ZPBP: variants seen among roughly 807,000 people sequenced by gnomAD.
ZPBP encodes zona pellucida-binding protein 1.
ZPBP carries 26 observed loss-of-function variants against 44.8 expected under a neutral mutation model. That is an observed-to-expected ratio of 0.58 (90% confidence interval 0.43 to 0.81). ZPBP has a LOEUF of 0.81. ZPBP is among the 30% of genes least tolerant of loss of function. The pLI is 0.00. For synonymous variants in ZPBP, 174 were observed against 153.2 expected (o/e 1.14, Z -1.00); for missense variants, 409 against 434.0 (o/e 0.94, Z 0.51).
At chr7:50,073,166 T>A (rs1487582068) in intron 3 of ZPBP, among the ~76,000 whole-genome samples, 1 of 151,992 alleles carries the variant, frequency 6.6e-6, no homozygotes, top group Non-Finnish European at 1.5e-5. Context: ...TTCAAGATAG[T>A]ACAGAGAAGC....
chr7:49,985,654 A>ACC (rs1562824590), intron 6 of ZPBP, among the ~76,000 whole-genome samples: 1 of 146,106 alleles, frequency 6.8e-6, no homozygotes, highest in Non-Finnish European at 1.5e-5. Flanking sequence ...AAAAAAAAAA[A>ACC]AAAAAACCTA....
the ZPBP span, among the ~76,000 whole-genome samples, chr7:49,843,842 G>A: frequency 6.6e-6 from 1 of 152,316 alleles, no homozygotes; most frequent in East Asian, 1.9e-4. Flanking sequence ...AACGCAATCT[G>A]TCAGTTGTGC....
chr7:50,038,628 C>T (rs183463319), intron 4 of ZPBP, among the ~76,000 whole-genome samples: 86 of 152,336 alleles, frequency 5.6e-4, no homozygotes, highest in African/African-American at 2.0e-3. Flanking sequence ...ACATCAGAGG[C>T]TTCACCTAGC....
chr7:49,855,509 GGA>G (rs1790379555), intron 2 of ZPBP, among the ~76,000 whole-genome samples: 1 of 152,158 alleles, frequency 6.6e-6, no homozygotes. Context: ...CAGATGTTGT[GGA>G]GAGAGGTAAG....
At chr7:50,070,520 G>A (rs771166355) in intron 3 of ZPBP, among the ~76,000 whole-genome samples, 1 of 152,226 alleles carries the variant, frequency 6.6e-6, no homozygotes, top group African/African-American at 2.4e-5. Flanking sequence ...CAGCCCTGGG[G>A]CTCTAGTCCC....
chr7:49,862,120 T>C (rs1333788270), intron 2 of ZPBP, among the ~76,000 whole-genome samples: 2 of 152,206 alleles, frequency 1.3e-5, no homozygotes, highest in African/African-American at 4.8e-5. Context: ...ACATCAGATA[T>C]CTTTTCATTT....
At chr7:50,018,071 CA>C (rs1411209680) in intron 6 of ZPBP, among the ~76,000 whole-genome samples, 168 bp downstream of exon 6, 1 of 151,972 alleles carries the variant, frequency 6.6e-6, no homozygotes, top group Non-Finnish European at 1.5e-5. Flanking sequence ...TATAAAGATA[CA>C]TTCTATTAAT....
At chr7:50,000,482 T>C (rs1447167746) in intron 6 of ZPBP, among the ~76,000 whole-genome samples, 3 of 152,296 alleles carry the variant, frequency 2.0e-5, no homozygotes, top group Non-Finnish European at 4.4e-5. Context: ...TCAAATAATA[T>C]AAGAGAAGGT....
At chr7:49,933,663 C>T (rs1232588725), downstream of ZPBP, among the ~76,000 whole-genome samples, 1 of 152,094 alleles carries the variant, frequency 6.6e-6, no homozygotes, top group Non-Finnish European at 1.5e-5. Flanking sequence ...AAATGTCCAA[C>T]AATGATAGAC....
chr7:50,091,167 G>GT lies in ZPBP; in HGVS notation c.128-1459dup, dbSNP rs201041658. On this transcript the variant is annotated intron_variant, in intron 1 of 7. Coordinates refer to ENST00000046087, the MANE Select transcript of ZPBP (RefSeq NM_007009.3). ...CCCACTTTTTGATGGGACTGTTGGG[G>GT]TTTTTTTTCATGCTAATTTGTTTGA... 9.4e-3 allele frequency among the ~76,000 whole-genome samples: 1,429 copies of GT among 151,416 alleles called. 8 individuals are homozygous for GT. Among genetic ancestry groups the GT allele is most frequent in the Middle Eastern group, 0.014 (4 of 294 alleles).
intron 2 of ZPBP, among the ~76,000 whole-genome samples, chr7:49,900,762 T>G (rs1322745274): frequency 6.6e-6 from 1 of 151,840 alleles, no homozygotes; most frequent in East Asian, 1.9e-4. Flanking sequence ...ATTTTACAAT[T>G]TCTTTCAGCG....
intron 6 of ZPBP, among the ~76,000 whole-genome samples, chr7:50,017,857 C>T (rs1004225585): frequency 6.6e-6 from 1 of 151,682 alleles, no homozygotes; most frequent in East Asian, 1.9e-4. Flanking sequence ...TACAGGATGC[C>T]GGGTATGGAG....
At chr7:49,930,710 C>A (rs1794416690) in intron 1 of ZPBP, among the ~76,000 whole-genome samples, 1 of 152,094 alleles carries the variant, frequency 6.6e-6, no homozygotes, top group South Asian at 2.1e-4. Context: ...CTAAACCTAG[C>A]ACTTCTACTT....
At chr7:49,867,725 C>T (rs887781954) in intron 2 of ZPBP, among the ~76,000 whole-genome samples, 1 of 152,228 alleles carries the variant, frequency 6.6e-6, no homozygotes, top group African/African-American at 2.4e-5. Context: ...GATCCCATTA[C>T]ATGGCTACAA....
At chr7:49,848,347 T>C (rs1032021989), downstream of ZPBP, among the ~76,000 whole-genome samples, 2 of 152,180 alleles carry the variant, frequency 1.3e-5, no homozygotes, top group African/African-American at 2.4e-5. Flanking sequence ...TAGCTCCAAA[T>C]GTCCTGCTCC....
At chr7:49,854,750 G>A (rs1264943216) in intron 2 of ZPBP, among the ~76,000 whole-genome samples, 1 of 152,154 alleles carries the variant, frequency 6.6e-6, no homozygotes, top group Non-Finnish European at 1.5e-5. Context: ...AGCTTTTGTT[G>A]CTGTTGCTTT....
rs58816834 is a variant in ZPBP, at chr7:49,898,997, C to A, written n.509+2121G>T. On this transcript the variant is annotated intron_variant and non_coding_transcript_variant, in intron 2 of 2. Transcript: ENST00000465922. The stretch of plus-strand genomic sequence containing the variant: ...AGAAATATGGCAGATATTAATTCAA[C>A]TATATTAACAGTCACTTTGAACATA... Among the ~76,000 whole-genome samples, 925 of 152,044 alleles carry A rather than the reference C, an allele frequency of 6.1e-3. 10 individuals carry two copies. Among genetic ancestry groups the A allele is most frequent in the African/African-American group, 0.021 (885 of 41,510 alleles).
intron 4 of ZPBP, among the ~76,000 whole-genome samples, chr7:50,046,051 A>T (rs1309658858): frequency 6.6e-6 from 1 of 152,174 alleles, no homozygotes; most frequent in Non-Finnish European, 1.5e-5. Context: ...TGAGAAAAAG[A>T]TTCCTTATTT....
chr7:50,065,864 C>CT (rs1487975295), intron 3 of ZPBP, among the ~76,000 whole-genome samples: 3 of 151,132 alleles, frequency 2.0e-5, no homozygotes, highest in Admixed American at 2.0e-4. Context: ...AACTCCAAGG[C>CT]CTGTTCCTTT....
Sources: gnomAD v4.1 joint callset for allele counts (sites outside exome capture counted in the v4.1 genomes callset) on GRCh38, gnomAD v4.1.1 for gene constraint, MANE v1.5 for transcripts, NCBI Gene and HGNC (gene_info 2026-07-23, HGNC 2026-07-21) for gene names.